Variants in RAB3C observed in about 807,000 individuals in gnomAD.
The protein encoded by RAB3C is RAB3C, member RAS oncogene family.
Under a neutral mutation model 26.4 loss-of-function variants are expected in RAB3C, and 17 were observed. The observed-to-expected ratio is 0.64, with a 90% confidence interval of 0.44 to 0.97. The LOEUF is 0.97. RAB3C is among the 50% of genes least tolerant of loss of function. The pLI is 0.00. For missense variants in RAB3C, 242 were observed against 281.9 expected (o/e 0.86, Z 1.01); for synonymous variants, 91 against 95.9 (o/e 0.95, Z 0.30).
chr5:58,800,150 TAATAC>T (rs1277869023), intron 3 of RAB3C, among the ~76,000 whole-genome samples: 1 of 152,228 alleles, frequency 6.6e-6, no homozygotes, highest in African/African-American at 2.4e-5. Context: ...TGTTGCTACC[TAATAC>T]AATTCTTTGG....
At chr5:58,814,108 A>AC (rs1177712203) in intron 3 of RAB3C, among the ~76,000 whole-genome samples, 1 of 152,184 alleles carries the variant, frequency 6.6e-6, no homozygotes, top group African/African-American at 2.4e-5. Context: ...AGAAGGTATC[A>AC]CTATATCCAG....
At chr5:58,652,838 T>G (rs1229656922) in intron 2 of RAB3C, among the ~76,000 whole-genome samples, 1 of 152,218 alleles carries the variant, frequency 6.6e-6, no homozygotes, top group Non-Finnish European at 1.5e-5. Context: ...CTCTCCATAT[T>G]GTTTATTGCT....
chr5:58,743,172 A>G (rs1741312107), intron 3 of RAB3C, among the ~76,000 whole-genome samples: 1 of 152,256 alleles, frequency 6.6e-6, no homozygotes, highest in South Asian at 2.1e-4. Context: ...AAATGAGAAA[A>G]GAATTCCTAA....
intron 3 of RAB3C, among the ~76,000 whole-genome samples, chr5:58,761,057 T>TCACACACACA (rs1396965291): frequency 9.7e-5 from 7 of 72,220 alleles, no homozygotes; most frequent in African/African-American, 3.2e-4. Context: ...TCCCTCTCTC[T>TCACACACACA]CTCTCTCACA....
chr5:58,772,601 G>A (rs6450491), intron 3 of RAB3C, among the ~76,000 whole-genome samples: 118,149 of 152,104 alleles, frequency 0.78, 45,981 homozygotes, highest in South Asian at 0.82. Flanking sequence ...CAAAGAAGAC[G>A]AGAGAGAAGG....
chr5:58,670,697 T>C (rs1748098311), intron 2 of RAB3C, among the ~76,000 whole-genome samples: 1 of 152,196 alleles, frequency 6.6e-6, no homozygotes, highest in South Asian at 2.1e-4. Flanking sequence ...CCGCCCGAAG[T>C]GTAACTGTTA....
At chr5:58,799,600 C>T (rs911094310) in intron 3 of RAB3C, among the ~76,000 whole-genome samples, 3 of 152,138 alleles carry the variant, frequency 2.0e-5, no homozygotes, top group African/African-American at 7.2e-5. Context: ...ATGACTGAAA[C>T]AAACAAGGAA....
At chr5:58,830,360 G>A (rs1452009777) in intron 4 of RAB3C, among the ~76,000 whole-genome samples, 1 of 152,154 alleles carries the variant, frequency 6.6e-6, no homozygotes, top group South Asian at 2.1e-4. Context: ...AATGCAGGCA[G>A]ATCTACCATG....
At chr5:58,703,689 G>T (rs1156632909) in intron 2 of RAB3C, among the ~76,000 whole-genome samples, 1 of 152,084 alleles carries the variant, frequency 6.6e-6, no homozygotes, top group African/African-American at 2.4e-5. Context: ...GCTACTAAAA[G>T]CTCAGATTCC....
chr5:58,701,451 A>G (rs940985374), intron 2 of RAB3C, among the ~76,000 whole-genome samples: 2 of 152,096 alleles, frequency 1.3e-5, no homozygotes, highest in African/African-American at 4.8e-5. Context: ...GGATATTGCA[A>G]TTGCCTCTCT....
rs984487391 is a variant in RAB3C at position 58,858,049 on chromosome 5, T to C, written c.*6698T>C. 2 of 152,200 alleles carry C rather than the reference T, an allele frequency of 1.3e-5. No homozygotes were observed. Among genetic ancestry groups the C allele is most frequent in the Admixed American group, 1.3e-4 (2 of 15,274 alleles). 9.4% of individuals were successfully genotyped at this position (152,200 alleles called of 1,614,324 possible). A position where few individuals can be genotyped will look rare whatever the true frequency, so the allele number is the denominator to read the frequency against. ...TTAGGAAGAAAAACAAGTTATGACT[T>C]ATTCACTAAAATTGATGCAAGACAG... On this transcript the variant is annotated 3_prime_UTR_variant, in exon 5 of 5. Coordinates refer to ENST00000282878, the MANE Select transcript of RAB3C (RefSeq NM_138453.4).
At chr5:58,596,334 A>C (rs1357282569) in intron 1 of RAB3C, among the ~76,000 whole-genome samples, 1 of 150,848 alleles carries the variant, frequency 6.6e-6, no homozygotes, top group Non-Finnish European at 1.5e-5. Flanking sequence ...CAGATTCCAA[A>C]CTTTTGTTGA....
intron 4 of RAB3C, among the ~76,000 whole-genome samples, chr5:58,845,869 A>T (rs1743987916): frequency 6.7e-6 from 1 of 150,196 alleles, no homozygotes; most frequent in African/African-American, 2.5e-5. Context: ...CTTTTCCCTC[A>T]CTCTCTACCC....
At chr5:58,679,224 C>CT (rs965562561) in intron 2 of RAB3C, among the ~76,000 whole-genome samples, 33 of 152,088 alleles carry the variant, frequency 2.2e-4, no homozygotes, top group African/African-American at 8.0e-4. Context: ...ATTGAGGGTT[C>CT]TGTGAATGTC....
Position 58,830,467 on chromosome 5 carries a change from C to T in RAB3C, c.496+5305C>T, listed in dbSNP as rs1175168703. On this transcript the variant is annotated intron_variant, in intron 4 of 4. Coordinates refer to ENST00000282878, the MANE Select transcript of RAB3C (RefSeq NM_138453.4). ...CATGCTACATCATATGTTGTGGTAC[C>T]ACTCTCAGAGACAAGATGACTGAAG... 2.0e-5 allele frequency among the ~76,000 whole-genome samples: 3 copies of T among 152,098 alleles called. No homozygotes were observed. The East Asian group carries it at 5.8e-4, about 29-fold the overall frequency.
intron 2 of RAB3C, among the ~76,000 whole-genome samples, chr5:58,712,328 T>C (rs940578103): frequency 6.6e-6 from 1 of 152,144 alleles, no homozygotes; most frequent in African/African-American, 2.4e-5. Context: ...CAATGCTAGG[T>C]ATATAGATAT....
At chr5:58,680,028 G>T (rs1387220196) in intron 2 of RAB3C, among the ~76,000 whole-genome samples, 1 of 151,982 alleles carries the variant, frequency 6.6e-6, no homozygotes, top group Non-Finnish European at 1.5e-5. Flanking sequence ...AAATGATTGG[G>T]GGCCAAAATT....
intron 4 of RAB3C, among the ~76,000 whole-genome samples, chr5:58,833,102 T>C (rs1209883246): frequency 3.3e-5 from 5 of 152,222 alleles, no homozygotes; most frequent in African/African-American, 1.2e-4. Flanking sequence ...ATTCATGTAT[T>C]AGGGCAGTAC....
At chr5:58,801,876 C>G (rs1742815723) in intron 3 of RAB3C, among the ~76,000 whole-genome samples, 1 of 152,244 alleles carries the variant, frequency 6.6e-6, no homozygotes, top group African/African-American at 2.4e-5. Context: ...AGCTTTCTAG[C>G]TATGGCTCCT....
Sources: allele counts gnomAD v4.1 joint callset (sites outside exome capture counted in the v4.1 genomes callset), GRCh38; gene constraint gnomAD v4.1.1; transcripts MANE v1.5; gene names NCBI Gene and HGNC (gene_info 2026-07-23, HGNC 2026-07-21).